POF1B: variants seen among roughly 807,000 people sequenced by gnomAD.
POF1B encodes the protein protein POF1B.
In POF1B, 53 loss-of-function variants were observed where a neutral mutation model predicts 55.3. The observed-to-expected ratio is 0.96, with a 90% CI of 0.77 to 1.20. The LOEUF (loss-of-function observed/expected upper bound fraction) is 1.20, where lower values mean the gene tolerates loss of function less well. POF1B is among the 50% of genes most tolerant of loss of function. The probability of loss-of-function intolerance (pLI) is 0.00; values close to 1 mark genes in which losing one functional copy is unlikely to be tolerated. For synonymous variants in POF1B, 188 were observed against 148.3 expected, an observed-to-expected ratio of 1.27 and a Z score of -1.95; for missense variants, 478 against 420.5, an observed-to-expected ratio of 1.14 and a Z score of -1.20.
At chrX:85,367,262 G>C (rs908015104) in intron 3 of POF1B, among the ~76,000 whole-genome samples, 2 of 111,554 alleles carry the variant, frequency 1.8e-5, no homozygotes, top group African/African-American at 6.5e-5. Flanking sequence ...GGCCATAAAG[G>C]CTAAGGAAAT....
intron 6 of POF1B, among the ~76,000 whole-genome samples, chrX:85,344,080 C>A (rs187258223): frequency 9.0e-6 from 1 of 110,953 alleles, no homozygotes; most frequent in African/African-American, 3.3e-5. Flanking sequence ...ACTCAGCAAC[C>A]TTCACTCACC....
Position 85,360,527 on chromosome X carries a change from G to GTATATATATATA in POF1B, c.358-909_358-898dup, listed in dbSNP as rs142665633. Among the ~76,000 whole-genome samples, 80 of 58,473 alleles carry GTATATATATATA rather than the reference G, an allele frequency of 1.4e-3. 4 individuals carry two copies. The highest frequency in any genetic ancestry group is 6.8e-3 in the African/African-American group (65 of 9,558). The allele number at this position is 58,473 out of a possible 115,157, so 50.8% of individuals were successfully genotyped here. On this transcript the variant is annotated intron_variant, in intron 3 of 16. Coordinates refer to ENST00000262753, the MANE Select transcript of POF1B (RefSeq NM_024921.4). ...ATGGCTGCCTAGTATTCCATGGTAT[G>GTATATATATATA]TATATATATATATATATATATATAT...
At position 85,306,166 on chromosome X, in the gene POF1B, A is replaced by G; in HGVS notation, c.1317+15T>C. The G allele has an allele frequency of 8.5e-7, 1 of 1,175,658 alleles. No homozygotes were observed. Among genetic ancestry groups the G allele is most frequent in the Non-Finnish European group, 1.2e-6 (1 of 868,089 alleles). ...ACTAAGGTAATACTGTATATTTAAAAGGAAGTTTTAATACCTGCATTCTAA... is the reference window on the plus strand; with the variant it reads ...ACTAAGGTAATACTGTATATTTAAAGGGAAGTTTTAATACCTGCATTCTAA... On this transcript the variant is annotated intron_variant, in intron 12 of 16. Coordinates refer to ENST00000262753, the MANE Select transcript of POF1B (RefSeq NM_024921.4).
intron 6 of POF1B, among the ~76,000 whole-genome samples, chrX:85,338,413 G>A (rs1209109650): frequency 8.9e-6 from 1 of 111,770 alleles, no homozygotes; most frequent in Non-Finnish European, 1.9e-5. Context: ...GTGTGTGAGT[G>A]TGTGTTTCCA....
chrX:85,375,540 C>T (rs1186702578), intron 2 of POF1B, among the ~76,000 whole-genome samples: 1 of 111,830 alleles, frequency 8.9e-6, no homozygotes, highest in Non-Finnish European at 1.9e-5. Flanking sequence ...AAAGAGGAGA[C>T]CAAAGCTGAA....
rs1403407093 is a variant in POF1B, at chrX:85,333,375, GC to G, written c.724-2297del. ...TACAGATGTAAGTCTTGTTTTCTCA[GC>G]ACCCTCTTTTTACCACAAAAGAAAT... is the stretch of plus-strand genomic sequence containing the variant. On this transcript the variant is annotated intron_variant, in intron 6 of 16. Transcript: ENST00000262753. Among the ~76,000 whole-genome samples, 3 of 111,006 alleles carry G rather than the reference GC, an allele frequency of 2.7e-5. No homozygotes were observed. The East Asian group carries it at 8.4e-4, about 31-fold the overall frequency.
intron 6 of POF1B, among the ~76,000 whole-genome samples, chrX:85,335,837 T>A (rs1459977377): frequency 9.0e-6 from 1 of 110,946 alleles, no homozygotes; most frequent in Non-Finnish European, 1.9e-5. Context: ...GTATTTATGC[T>A]TTCTCTGTGT....
At chrX:85,339,154 GGA>G in intron 6 of POF1B, among the ~76,000 whole-genome samples, 1 of 110,990 alleles carries the variant, frequency 9.0e-6, no homozygotes, top group East Asian at 2.9e-4. Context: ...AATCATGGTG[GGA>G]GATAGGGAAG....
intron 8 of POF1B, among the ~76,000 whole-genome samples, chrX:85,315,201 A>T (rs1932776595): frequency 8.9e-6 from 1 of 111,800 alleles, no homozygotes; most frequent in Non-Finnish European, 1.9e-5. Context: ...TGATTATTCT[A>T]TTAAAAGCAA....
intron 9 of POF1B, among the ~76,000 whole-genome samples, chrX:85,311,903 T>A (rs1932710479): frequency 8.9e-6 from 1 of 112,472 alleles, no homozygotes; most frequent in Admixed American, 9.4e-5. Flanking sequence ...ATTGTGGTTT[T>A]GATTTGCATT....
intron 4 of POF1B, among the ~76,000 whole-genome samples, chrX:85,358,374 G>C (rs185265585): frequency 7.2e-5 from 8 of 111,205 alleles, no homozygotes; most frequent in Non-Finnish European, 1.5e-4. Context: ...TCCTTGAGAA[G>C]AGCTGTATGC....
At chrX:85,332,315 G>A (rs1932993195) in intron 6 of POF1B, among the ~76,000 whole-genome samples, 1 of 111,243 alleles carries the variant, frequency 9.0e-6, no homozygotes. Context: ...CAACTGTAGA[G>A]AACTCATAGA....
At chrX:85,338,887 CTG>C (rs1038482922) in intron 6 of POF1B, among the ~76,000 whole-genome samples, 5 of 111,365 alleles carry the variant, frequency 4.5e-5, no homozygotes, top group Non-Finnish European at 5.7e-5. Flanking sequence ...TTTGAGATGA[CTG>C]TGGGACAGTC....
chrX:85,321,146 G>A (rs1249429908), intron 7 of POF1B, among the ~76,000 whole-genome samples: 93 of 111,413 alleles, frequency 8.3e-4, no homozygotes, highest in African/African-American at 2.4e-3. Flanking sequence ...CCAAAAAAGA[G>A]AATTTTAGAC....
At chrX:85,360,560 C>T (rs12009938) in intron 3 of POF1B, among the ~76,000 whole-genome samples, 4,409 of 59,501 alleles carry the variant, frequency 0.074, 796 homozygotes, top group African/African-American at 0.31. Flanking sequence ...TATATATATA[C>T]ATATATACAC....
At chrX:85,331,153 G>A (rs1016710290) in intron 6 of POF1B, 74 bp from the exon 7 acceptor site, 63 of 1,029,527 alleles carry the variant, frequency 6.1e-5, no homozygotes, top group Non-Finnish European at 8.0e-5. Context: ...TATGTGAAGC[G>A]AAAGAAAGAT....
At chrX:85,295,956 C>A (rs1932299287) in intron 15 of POF1B, among the ~76,000 whole-genome samples, 1 of 112,660 alleles carries the variant, frequency 8.9e-6, no homozygotes, top group African/African-American at 3.2e-5. Context: ...GTTAAGTTTT[C>A]TTGTTGAATT....
chrX:85,278,272 C>T lies in POF1B; in HGVS notation c.*1149G>A, dbSNP rs200253251. On this transcript the variant is annotated 3_prime_UTR_variant, in exon 17 of 17. Transcript: ENST00000262753. ...GGCATTACAGAATTTTATGTGGATA[C>T]TTGCAAAGATATTTCAGTCCAAAAC... 9.0e-6 allele frequency: 1 copy of T among 110,634 alleles called. No individual in the cohort carries two copies. Among genetic ancestry groups the T allele is most frequent in the African/African-American group, 3.3e-5 (1 of 30,706 alleles). 9.1% of individuals were successfully genotyped at this position (110,634 alleles called of 1,213,427 possible).
At chrX:85,303,549 T>C (rs1320174974) in intron 14 of POF1B, 61 bp from the exon 15 acceptor site, 21 of 789,955 alleles carry the variant, frequency 2.7e-5, no homozygotes, top group Non-Finnish European at 3.5e-5. Context: ...ATAATAAATA[T>C]ATTTAATCAT....
Sources: allele counts gnomAD v4.1 joint callset (sites outside exome capture counted in the v4.1 genomes callset), GRCh38; gene constraint gnomAD v4.1.1; transcripts MANE v1.5; gene names NCBI Gene and HGNC (gene_info 2026-07-23, HGNC 2026-07-21).